Variants in SEMA3E observed in about 807,000 individuals in gnomAD.
The protein encoded by SEMA3E is semaphorin-3E.
In SEMA3E, 49 loss-of-function variants were observed where a neutral mutation model predicts 93.6. The ratio of observed to expected loss-of-function variants is 0.52; its 90% confidence interval spans 0.42 to 0.66. The LOEUF is 0.66. Among genes scored for constraint, SEMA3E ranks in the 30% least tolerant of loss-of-function variants. The probability of loss-of-function intolerance (pLI) is 0.00; values close to 1 mark genes in which losing one functional copy is unlikely to be tolerated. For missense variants in SEMA3E, 906 were observed against 964.8 expected, an observed-to-expected ratio of 0.94 and a Z score of 0.81; for synonymous variants, 363 against 330.7, an observed-to-expected ratio of 1.10 and a Z score of -1.06.
At chr7:83,418,191 A>G (rs1262112997) in intron 5 of SEMA3E, among the ~76,000 whole-genome samples, 199 bp downstream of exon 5, 1 of 152,196 alleles carries the variant, frequency 6.6e-6, no homozygotes, top group African/African-American at 2.4e-5. Context: ...CACACACTTT[A>G]TAGCATCTGC....
chr7:83,579,616 C>T (rs1039021704), intron 1 of SEMA3E, among the ~76,000 whole-genome samples: 8 of 152,024 alleles, frequency 5.3e-5, no homozygotes, highest in African/African-American at 1.9e-4. Context: ...ATTAGCAATG[C>T]TAGGTCAATG....
chr7:83,451,314 C>A (rs1249561976), intron 4 of SEMA3E, among the ~76,000 whole-genome samples: 2 of 152,130 alleles, frequency 1.3e-5, no homozygotes, highest in Non-Finnish European at 2.9e-5. Context: ...TTTATAAACA[C>A]TTTAACCAAC....
intron 1 of SEMA3E, among the ~76,000 whole-genome samples, chr7:83,516,964 T>TATATATAA (rs767562960): frequency 4.7e-5 from 7 of 150,186 alleles, no homozygotes; most frequent in Non-Finnish European, 7.4e-5. Context: ...TATATGTATA[T>TATATATAA]AAAATATAGA....
chr7:83,424,520 G>C (rs923568046), intron 4 of SEMA3E, among the ~76,000 whole-genome samples: 1 of 151,954 alleles, frequency 6.6e-6, no homozygotes, highest in East Asian at 1.9e-4. Context: ...TTCTTTCTTG[G>C]TAATTAAATC....
At chr7:83,638,033 T>C (rs1232532183) in intron 1 of SEMA3E, among the ~76,000 whole-genome samples, 2 of 152,148 alleles carry the variant, frequency 1.3e-5, no homozygotes, top group Non-Finnish European at 2.9e-5. Context: ...AATTACTCAT[T>C]ATATATAGCT....
chr7:83,386,528 G>A (rs947471989), intron 15 of SEMA3E, among the ~76,000 whole-genome samples: 3 of 152,046 alleles, frequency 2.0e-5, no homozygotes, highest in Non-Finnish European at 2.9e-5. Flanking sequence ...CCCTAAGCTT[G>A]GTCAACTTAG....
chr7:83,578,707 G>A (rs74928568), intron 1 of SEMA3E, among the ~76,000 whole-genome samples: 2,743 of 152,156 alleles, frequency 0.018, 82 homozygotes, highest in African/African-American at 0.063. Flanking sequence ...TTCTTATACT[G>A]CACAACTACT....
chr7:83,494,523 C>A lies in SEMA3E; in HGVS notation c.116-4249G>T, dbSNP rs139808472. On this transcript the variant is annotated intron_variant, in intron 1 of 16. Transcript: ENST00000643230. ...AAAGTCACTTTATGGCCTTAGGTAG[C>A]CATGTTATTTGGAATATTAATGACT... Among the ~76,000 whole-genome samples the A allele has an allele frequency of 2.0e-3, 307 of 151,684 alleles. 1 individual carries two copies. The highest frequency in any genetic ancestry group is 6.8e-3 in the African/African-American group (283 of 41,316).
intron 2 of SEMA3E, among the ~76,000 whole-genome samples, chr7:83,480,176 C>A (rs1366247788): frequency 6.6e-6 from 1 of 152,164 alleles, no homozygotes; most frequent in Non-Finnish European, 1.5e-5. Flanking sequence ...CACAGTGGCT[C>A]ACGCCTGTAA....
intron 4 of SEMA3E, among the ~76,000 whole-genome samples, chr7:83,458,450 G>A (rs879541182): frequency 5.4e-4 from 82 of 152,140 alleles, no homozygotes; most frequent in Middle Eastern, 3.4e-3. Context: ...AATTCATGTG[G>A]AAATGAATGG....
At chr7:83,425,520 A>T (rs1406940165) in intron 4 of SEMA3E, among the ~76,000 whole-genome samples, 1 of 152,018 alleles carries the variant, frequency 6.6e-6, no homozygotes, top group Non-Finnish European at 1.5e-5. Context: ...TGAATTGTGA[A>T]TTTTTTCTCA....
chr7:83,594,862 C>G (rs1408135736), intron 1 of SEMA3E, among the ~76,000 whole-genome samples: 1 of 151,490 alleles, frequency 6.6e-6, no homozygotes, highest in East Asian at 1.9e-4. Flanking sequence ...GAATGATTCA[C>G]TTTGCATCTG....
intron 1 of SEMA3E, among the ~76,000 whole-genome samples, chr7:83,610,881 C>T (rs1439310782): frequency 6.6e-6 from 1 of 152,030 alleles, no homozygotes; most frequent in Non-Finnish European, 1.5e-5. Context: ...TCAGTTGTTT[C>T]AATCAACCCC....
intron 4 of SEMA3E, among the ~76,000 whole-genome samples, chr7:83,453,460 T>C (rs1158056627): frequency 6.7e-6 from 1 of 150,308 alleles, no homozygotes; most frequent in Non-Finnish European, 1.5e-5. Context: ...GTAATCTCTA[T>C]TTTTATGGCC....
intron 4 of SEMA3E, among the ~76,000 whole-genome samples, chr7:83,420,353 C>A (rs929770287): frequency 1.3e-5 from 2 of 152,028 alleles, no homozygotes; most frequent in African/African-American, 4.8e-5. Context: ...CTGGAAGTAT[C>A]AATATGGTTA....
chr7:83,424,487 T>C (rs1425312133), intron 4 of SEMA3E, among the ~76,000 whole-genome samples: 3 of 152,180 alleles, frequency 2.0e-5, no homozygotes, highest in Non-Finnish European at 4.4e-5. Flanking sequence ...ACTCACATCT[T>C]TCCATCATGT....
chr7:83,413,682 T>C (rs1788487496), intron 5 of SEMA3E, among the ~76,000 whole-genome samples: 1 of 152,164 alleles, frequency 6.6e-6, no homozygotes, highest in African/African-American at 2.4e-5. Flanking sequence ...ATTTAGCTGT[T>C]GTTTGGGCTT....
intron 1 of SEMA3E, among the ~76,000 whole-genome samples, chr7:83,632,179 G>A: frequency 6.6e-6 from 1 of 151,720 alleles, no homozygotes; most frequent in East Asian, 1.9e-4. Context: ...AAAGTCATTG[G>A]TTAACAGCAC....
chr7:83,418,363 C>T (rs551945104), intron 5 of SEMA3E, 27 bp downstream of exon 5: 3 of 1,485,560 alleles, frequency 2.0e-6, no homozygotes, highest in South Asian at 2.3e-5. Context: ...ATGACTACCA[C>T]CTGATGTCTG....
Sources: allele counts gnomAD v4.1 joint callset (sites outside exome capture counted in the v4.1 genomes callset), GRCh38; gene constraint gnomAD v4.1.1; transcripts MANE v1.5; gene names NCBI Gene and HGNC (gene_info 2026-07-23, HGNC 2026-07-21).